The following KIF26A variants were observed in gnomAD, a reference collection of about 807,000 sequenced individuals.
KIF26A encodes the protein kinesin family member 26A.
In KIF26A, 74 loss-of-function variants were observed where a neutral mutation model predicts 126.0. That is an observed-to-expected ratio of 0.59 (90% CI 0.49 to 0.71). KIF26A has a LOEUF of 0.71. Ranked by LOEUF, KIF26A falls within the 30% of genes least tolerant of loss-of-function variation. The pLI, the probability that KIF26A is intolerant of heterozygous loss-of-function variation, is 0.00. For synonymous variants in KIF26A, 1,445 were observed against 1,232.7 expected (o/e 1.17, Z -3.61); for missense variants, 2,984 against 2,763.3 (o/e 1.08, Z -1.79).
rs778425716 is a variant in KIF26A, at chr14:104,172,601, C to T, written c.1353C>T (p.Ala451=). The change falls in exon 7 of 15, where the codon GCC becomes GCT. Residue 451 remains alanine (A), a synonymous_variant. Transcript: ENST00000423312. ...CCGAAGTCTGCTCGGGGACCGTGGC[C>T]GACGTGCTCCAGTCGGTGGTCAGTG... ...EQAEVCSGTV[A]DVLQSVVSGA... The T allele has an allele frequency of 1.7e-5, 28 of 1,613,014 alleles. No individual in the cohort carries two copies. The East Asian group carries it at 2.0e-4, about 12-fold the overall frequency.
At chr14:104,170,063 C>T (rs1361249247) in intron 5 of KIF26A, among the ~76,000 whole-genome samples, 2 of 152,140 alleles carry the variant, frequency 1.3e-5, no homozygotes, top group Admixed American at 6.5e-5. Context: ...GCCCGCTCTG[C>T]GATTAATGCC....
intron 14 of KIF26A, 105 bp from the exon 15 acceptor site, chr14:104,179,504 G>C: frequency 7.0e-7 from 1 of 1,427,760 alleles, no homozygotes; most frequent in Admixed American, 2.7e-5. Context: ...GGAAGGCAGG[G>C]TCGGCCGGGC....
intron 5 of KIF26A, among the ~76,000 whole-genome samples, chr14:104,168,229 GGA>G (rs2037925029): frequency 6.6e-6 from 1 of 152,212 alleles, no homozygotes; most frequent in South Asian, 2.1e-4. Flanking sequence ...CTGGCTACGG[GGA>G]AGGGCTGTAA....
At chr14:104,174,907 T>G in intron 11 of KIF26A, 75 bp from the exon 12 acceptor site, 4 of 1,417,692 alleles carry the variant, frequency 2.8e-6, no homozygotes, top group Non-Finnish European at 2.8e-6. Context: ...ATTGGCCCTG[T>G]GCTCTGGGGA....
intron 1 of KIF26A, 105 bp from the exon 2 acceptor site, chr14:104,138,938 G>T (rs2037609302): frequency 4.6e-6 from 6 of 1,294,358 alleles, no homozygotes; most frequent in Middle Eastern, 2.9e-4. Context: ...CGTGCCCAGG[G>T]CTCCTAACTT....
At chr14:104,158,222 G>A (rs2037801526) in intron 4 of KIF26A, among the ~76,000 whole-genome samples, 1 of 152,266 alleles carries the variant, frequency 6.6e-6, no homozygotes, top group Admixed American at 6.5e-5. Context: ...CCTGGTCCCT[G>A]CCTCTTCTGA....
chr14:104,149,927 G>A (rs1233215388), intron 2 of KIF26A, among the ~76,000 whole-genome samples: 2 of 152,188 alleles, frequency 1.3e-5, no homozygotes, highest in Non-Finnish European at 2.9e-5. Context: ...CTTCACACGG[G>A]GCCACCAGGG....
Position 104,177,864 on chromosome 14 carries a change from C to A in KIF26A, c.5076C>A (p.Thr1692=). ...ESGAASPGAR[T]RSLKSPKKRA... The stretch of plus-strand genomic sequence containing the variant: ...GGGCTGCCTCCCCAGGCGCCCGCAC[C>A]CGCAGCCTCAAGTCCCCCAAGAAGA... The change falls in exon 12 of 15, where the codon ACC becomes ACA. Residue 1692 remains threonine, a synonymous_variant. Coordinates refer to ENST00000423312, the MANE Select transcript of KIF26A (RefSeq NM_015656.2). 1.3e-6 allele frequency: 2 copies of A among 1,556,310 alleles called. No individual in the cohort carries two copies. Among genetic ancestry groups the A allele is most frequent in the Non-Finnish European group, 1.7e-6 (2 of 1,157,866 alleles).
chr14:104,176,026 A>AATG lies in KIF26A; in HGVS notation c.3243_3245dup (p.Asp1081dup). The AATG allele has an allele frequency of 1.9e-6, 3 of 1,593,892 alleles. No individual in the cohort carries two copies. The highest frequency in any genetic ancestry group is 2.6e-6 in the Non-Finnish European group (3 of 1,175,518). ...GCCAGTCAGCATCATCAGCAGCATCAATGATGAGTTTGACGCCTACACCTC... is the reference window on the plus strand; with the variant it reads ...GCCAGTCAGCATCATCAGCAGCATCAATGATGATGAGTTTGACGCCTACACCTC... On this transcript the variant is annotated inframe_insertion, in exon 12 of 15. Transcript: ENST00000423312.
Position 104,174,193 on chromosome 14 carries a change from T to C in KIF26A, c.2076T>C (p.Ala692=). ...TGCTGCGTGAATCCCTGGCCACCGC[T>C]GGCTGCCGCACCACCATGATCGCCC... ...TMLLRESLAT[A]GCRTTMIAHV... The change falls in exon 11 of 15, where the codon GCT becomes GCC. Residue 692 remains alanine, a synonymous_variant. Coordinates refer to ENST00000423312, the MANE Select transcript of KIF26A (RefSeq NM_015656.2). 1 of 1,589,088 alleles carries C rather than the reference T, an allele frequency of 6.3e-7. No individual in the cohort carries two copies. Among genetic ancestry groups the C allele is most frequent in the Non-Finnish European group, 8.6e-7 (1 of 1,168,238 alleles).
rs377745839 is a variant in KIF26A, at chr14:104,179,818, C to T, written c.*28C>T. The T allele has an allele frequency of 5.0e-5, 74 of 1,489,622 alleles. 1 individual carries two copies. The highest frequency in any genetic ancestry group is 2.0e-4 in the South Asian group (15 of 75,662). 92.3% of individuals were successfully genotyped at this position (1,489,622 alleles called of 1,614,324 possible). A position where few individuals can be genotyped will look rare whatever the true frequency, so the allele number is the denominator to read the frequency against. On this transcript the variant is annotated 3_prime_UTR_variant, in exon 15 of 15. Transcript: ENST00000423312. ...CTGGGCGCCGGACAAGAGGAGGGGG[C>T]GTGCAGCGGGCTGGAGGACGGGACG...
intron 2 of KIF26A, among the ~76,000 whole-genome samples, chr14:104,139,847 C>T (rs529571291): frequency 9.2e-5 from 14 of 152,292 alleles, no homozygotes; most frequent in African/African-American, 4.8e-5. Flanking sequence ...AGGCAGTGGC[C>T]GCCCATGGGG....
rs751842592 is a variant in KIF26A, at chr14:104,176,648, G to A, written c.3860G>A (p.Cys1287Tyr). The A allele has an allele frequency of 5.0e-6, 8 of 1,602,886 alleles. No homozygotes were observed. The East Asian group carries it at 1.6e-4, about 31-fold the overall frequency. ...LACAQRVVDGCEVAARAARRP... is the reference protein window; with the variant it reads ...LACAQRVVDGYEVAARAARRP... The stretch of plus-strand genomic sequence containing the variant: ...TGTGCCCAGAGAGTGGTGGACGGGT[G>A]TGAGGTGGCAGCCAGGGCGGCCCGC... The change falls in exon 12 of 15, where the codon TGT becomes TAT. Residue 1287 changes from cysteine to tyrosine, a missense_variant. Coordinates refer to ENST00000423312, the MANE Select transcript of KIF26A (RefSeq NM_015656.2).
chr14:104,176,551 G>T lies in KIF26A; in HGVS notation c.3763G>T (p.Ala1255Ser). 6.2e-7 allele frequency: 1 copy of T among 1,605,994 alleles called. No individual in the cohort carries two copies. Among genetic ancestry groups the T allele is most frequent in the Non-Finnish European group, 8.5e-7 (1 of 1,179,666 alleles). Residue 1255 changes from alanine to serine, a missense_variant, in exon 12 of 15, where the codon GCT (alanine) becomes TCT (serine). Coordinates refer to ENST00000423312, the MANE Select transcript of KIF26A (RefSeq NM_015656.2). ...GGTAGGGGAGTGTGATACCCAGGCA[G>T]CTTCTGCTGGCAGGGCCCCCAGCCC... ...LRVGECDTQAASAGRAPSPTL... is the reference protein window; with the variant it reads ...LRVGECDTQASSAGRAPSPTL...
At chr14:104,153,633 C>T (rs1160827210) in intron 3 of KIF26A, among the ~76,000 whole-genome samples, 2 of 151,950 alleles carry the variant, frequency 1.3e-5, no homozygotes, top group Non-Finnish European at 2.9e-5. Context: ...GCCTCCTGGC[C>T]CCAGAGCTGG....
chr14:104,157,865 G>A lies in KIF26A; in HGVS notation c.846G>A (p.Thr282=), dbSNP rs776799480. Reference sequence around the variant, plus strand: ...CCTGGGGCCGTGGTGGAGTCTGCACGTCAGCCCTGGTCACCCCCACCCCGG... The same window carrying A: ...CCTGGGGCCGTGGTGGAGTCTGCACATCAGCCCTGGTCACCCCCACCCCGG... ...SKAWGRGGVC[T]SALVTPTPGS... The change falls in exon 4 of 15, where the codon ACG becomes ACA. Residue 282 remains threonine (T), a synonymous_variant. Coordinates refer to ENST00000423312, the MANE Select transcript of KIF26A (RefSeq NM_015656.2). 126 of 1,600,350 alleles carry A rather than the reference G, an allele frequency of 7.9e-5. No individual in the cohort carries two copies. The highest frequency in any genetic ancestry group is 3.3e-4 in the Middle Eastern group (2 of 6,030).
intron 4 of KIF26A, among the ~76,000 whole-genome samples, chr14:104,165,561 G>A (rs1455223923): frequency 6.8e-6 from 1 of 146,144 alleles, no homozygotes; most frequent in Non-Finnish European, 1.5e-5. Context: ...GTGTGTCTGT[G>A]TGTTTCTGTA....
At chr14:104,166,631 G>A (rs954356372) in intron 4 of KIF26A, among the ~76,000 whole-genome samples, 25 of 152,242 alleles carry the variant, frequency 1.6e-4, no homozygotes, top group East Asian at 9.7e-4. Flanking sequence ...TCACAAGCTT[G>A]GTGTGAATGC....
At chr14:104,169,551 C>G (rs1276330199) in intron 5 of KIF26A, among the ~76,000 whole-genome samples, 2 of 152,230 alleles carry the variant, frequency 1.3e-5, no homozygotes, top group African/African-American at 4.8e-5. Context: ...TGCACACCCC[C>G]CAGCTCCCCG....
Sources: allele counts gnomAD v4.1 joint callset (sites outside exome capture counted in the v4.1 genomes callset), GRCh38; gene constraint gnomAD v4.1.1; transcripts MANE v1.5; gene names NCBI Gene and HGNC (gene_info 2026-07-23, HGNC 2026-07-21).